The following MARCHF1 variants were observed in gnomAD, a reference collection of about 807,000 sequenced individuals.
MARCHF1 encodes E3 ubiquitin-protein ligase MARCHF1.
MARCHF1 carries 40 observed loss-of-function variants against 54.2 expected under a neutral mutation model. That is an observed-to-expected ratio of 0.74 (90% confidence interval 0.57 to 0.96). The LOEUF (loss-of-function observed/expected upper bound fraction) is 0.96. Among genes scored for constraint, MARCHF1 ranks in the 40% least tolerant of loss-of-function variants. The pLI is 0.00. For missense variants in MARCHF1, 586 were observed against 656.5 expected (o/e 0.89, Z 1.17); for synonymous variants, 236 against 236.3 (o/e 1.00, Z 0.01).
intron 4 of MARCHF1, among the ~76,000 whole-genome samples, chr4:163,722,402 T>G (rs1332472838): frequency 1.3e-5 from 2 of 152,192 alleles, no homozygotes; most frequent in Non-Finnish European, 2.9e-5. Flanking sequence ...AGGCAGTTTG[T>G]TATAATTTCT....
At chr4:163,875,902 A>C (rs1494286) in intron 3 of MARCHF1, among the ~76,000 whole-genome samples, 69,374 of 151,828 alleles carry the variant, frequency 0.46, 16,244 homozygotes, top group East Asian at 0.7. Context: ...ATAAATTGAT[A>C]CTTTTAAAAT....
intron 2 of MARCHF1, among the ~76,000 whole-genome samples, chr4:163,994,257 AGT>A (rs769035806): frequency 0.12 from 16,775 of 136,876 alleles, 1,069 homozygotes; most frequent in Middle Eastern, 0.2. Context: ...ATAGAGAAAA[AGT>A]GTGTGTGTGT....
chr4:164,244,955 G>A (rs1173245068), intron 1 of MARCHF1, among the ~76,000 whole-genome samples: 1 of 152,086 alleles, frequency 6.6e-6, no homozygotes, highest in Non-Finnish European at 1.5e-5. Flanking sequence ...CTGAAATTGT[G>A]GCAATAATCA....
chr4:163,919,164 T>C (rs1751372183), intron 3 of MARCHF1, among the ~76,000 whole-genome samples: 1 of 152,120 alleles, frequency 6.6e-6, no homozygotes, highest in Admixed American at 6.6e-5. Context: ...AATGTTATTA[T>C]GAGTTGAATT....
At position 163,963,796 on chromosome 4, in the gene MARCHF1, A is replaced by C. The variant is rs990004103; in HGVS notation, c.-39+24705T>G. Among the ~76,000 whole-genome samples, 5 of 151,954 alleles carry C rather than the reference A, an allele frequency of 3.3e-5. 1 individual carries two copies. Among genetic ancestry groups the C allele is most frequent in the African/African-American group, 1.2e-4 (5 of 41,402 alleles). On this transcript the variant is annotated intron_variant, in intron 3 of 9. Transcript: ENST00000514618. The stretch of plus-strand genomic sequence containing the variant: ...TATTATCCTGTGAAAAACTCAAGTC[A>C]TATAGAGAGGCCCTGAAGGATGAAA...
chr4:163,546,274 G>C (rs974219019), intron 8 of MARCHF1, among the ~76,000 whole-genome samples: 2 of 152,016 alleles, frequency 1.3e-5, no homozygotes, highest in African/African-American at 4.8e-5. Flanking sequence ...CCCTGTGCCC[G>C]GCCTAACTCA....
chr4:163,537,247 C>T (rs544856201), intron 9 of MARCHF1, among the ~76,000 whole-genome samples: 1 of 152,270 alleles, frequency 6.6e-6, no homozygotes, highest in East Asian at 1.9e-4. Flanking sequence ...TACTTGCCTC[C>T]TTTTATTGAG....
intron 1 of MARCHF1, among the ~76,000 whole-genome samples, chr4:164,341,161 T>C (rs996657175): frequency 1.3e-5 from 2 of 152,066 alleles, no homozygotes; most frequent in African/African-American, 4.8e-5. Flanking sequence ...AGAAAGTATT[T>C]GACAAAATTC....
chr4:163,535,205 T>G (rs1182804629), intron 9 of MARCHF1, among the ~76,000 whole-genome samples: 3 of 151,978 alleles, frequency 2.0e-5, no homozygotes, highest in African/African-American at 7.2e-5. Flanking sequence ...GAAAAAAAAT[T>G]GAGGGGGGTA....
At chr4:163,585,212 A>T (rs1740367707) in intron 8 of MARCHF1, 1 of 152,226 alleles carries the variant, frequency 6.6e-6, no homozygotes, top group Non-Finnish European at 1.5e-5. Flanking sequence ...AGTACTTTTT[A>T]TTTCTACCTA....
intron 9 of MARCHF1, among the ~76,000 whole-genome samples, chr4:163,534,943 A>C (rs529614078): frequency 1.3e-5 from 2 of 152,224 alleles, no homozygotes; most frequent in South Asian, 4.1e-4. Flanking sequence ...AAATACAGAA[A>C]TAATTACATA....
chr4:164,242,319 C>A (rs1288555517), intron 1 of MARCHF1, among the ~76,000 whole-genome samples: 1 of 113,054 alleles, frequency 8.8e-6, no homozygotes, highest in African/African-American at 3.4e-5. Flanking sequence ...GGTCCCTGAC[C>A]CCTGACCCCC....
At chr4:163,662,191 T>G (rs1474561992) in intron 5 of MARCHF1, among the ~76,000 whole-genome samples, 1 of 152,060 alleles carries the variant, frequency 6.6e-6, no homozygotes, top group Non-Finnish European at 1.5e-5. Flanking sequence ...GATATTTTCT[T>G]TAATTATTTC....
Position 163,692,077 on chromosome 4 carries a change from C to T in MARCHF1, c.162+8736G>A, listed in dbSNP as rs912318640. ...CTTGTGTGTATTGGTCACATGTTCA[C>T]GGACTGGCGTGGCCCAAGGATCATT... On this transcript the variant is annotated intron_variant, in intron 5 of 9. Transcript: ENST00000514618. Among the ~76,000 whole-genome samples, 18 of 152,248 alleles carry T rather than the reference C, an allele frequency of 1.2e-4. No homozygotes were observed. In the East Asian group the frequency reaches 3.1e-3, roughly 26 times the overall value.
chr4:164,105,481 C>G (rs1355271065), intron 2 of MARCHF1, among the ~76,000 whole-genome samples: 1 of 141,772 alleles, frequency 7.1e-6, no homozygotes, highest in Non-Finnish European at 1.5e-5. Flanking sequence ...ACTATCTGAT[C>G]TTTGACAAAC....
At chr4:163,786,812 C>A (rs973585012) in intron 4 of MARCHF1, among the ~76,000 whole-genome samples, 3 of 151,866 alleles carry the variant, frequency 2.0e-5, no homozygotes, top group African/African-American at 4.8e-5. Flanking sequence ...AAATTAGTGG[C>A]CTCACACTTC....
chr4:163,964,706 C>A (rs554669553), intron 3 of MARCHF1, among the ~76,000 whole-genome samples: 12 of 152,012 alleles, frequency 7.9e-5, no homozygotes, highest in Non-Finnish European at 1.5e-4. Context: ...GTTTCTATAA[C>A]CCTTTTTCCA....
chr4:163,662,717 T>C (rs2111104093), intron 5 of MARCHF1, among the ~76,000 whole-genome samples: 1 of 152,116 alleles, frequency 6.6e-6, no homozygotes, highest in Non-Finnish European at 1.5e-5. Flanking sequence ...TGGCTTTCCC[T>C]CTAGGGTACT....
At chr4:163,577,257 C>T (rs767472109) in intron 8 of MARCHF1, among the ~76,000 whole-genome samples, 1 of 152,010 alleles carries the variant, frequency 6.6e-6, no homozygotes, top group Non-Finnish European at 1.5e-5. Flanking sequence ...TTAAGGATCA[C>T]TTATAAGACT....
Sources: gnomAD v4.1 joint callset for allele counts (sites outside exome capture counted in the v4.1 genomes callset) on GRCh38, gnomAD v4.1.1 for gene constraint, MANE v1.5 for transcripts, NCBI Gene and HGNC (gene_info 2026-07-23, HGNC 2026-07-21) for gene names.